Variants in XYLB observed in about 807,000 individuals in gnomAD.
XYLB encodes xylulokinase.
XYLB carries 62 observed loss-of-function variants against 78.7 expected under a neutral mutation model. That is an observed-to-expected ratio of 0.79 (90% confidence interval 0.64 to 0.97). XYLB has a LOEUF of 0.97. XYLB is among the 50% of genes least tolerant of loss of function. XYLB has a pLI of 0.00. For synonymous variants in XYLB, 245 were observed against 247.4 expected, an observed-to-expected ratio of 0.99 and a Z score of 0.09; for missense variants, 687 against 676.8, an observed-to-expected ratio of 1.02 and a Z score of -0.17.
the XYLB span, among the ~76,000 whole-genome samples, chr3:38,447,470 ATTTTTTTTTTTTT>A: frequency 8.0e-6 from 1 of 124,948 alleles, no homozygotes. Flanking sequence ...CATCTGGCTA[ATTTTTTTTTTTTT>A]TTTTTTTTTT....
In XYLB at chr3:38,413,297, T is replaced by G. The variant is rs536951599; in HGVS notation, c.*284T>G. ...AACACTGAGACTGGGATATGTCCAA[T>G]AAAAACTATGACTTTTCCCCTTGCA... is the stretch of plus-strand genomic sequence containing the variant. On this transcript the variant is annotated 3_prime_UTR_variant, in exon 19 of 19. Transcript: ENST00000207870. The G allele has an allele frequency of 1.1e-5, 4 of 350,274 alleles. No individual in the cohort carries two copies. In the East Asian group the frequency reaches 1.9e-4, roughly 16 times the overall value. 21.7% of individuals were successfully genotyped at this position (350,274 alleles called of 1,614,324 possible).
the XYLB span, among the ~76,000 whole-genome samples, chr3:38,442,009 C>G: frequency 6.6e-6 from 1 of 152,164 alleles, no homozygotes; most frequent in Non-Finnish European, 1.5e-5. Context: ...TGAGTATTTG[C>G]CCTCTGGGTC....
intron 15 of XYLB, among the ~76,000 whole-genome samples, chr3:38,390,648 G>A (rs1404946437): frequency 1.3e-5 from 2 of 152,022 alleles, no homozygotes; most frequent in African/African-American, 2.4e-5. Flanking sequence ...TCAACCTCCC[G>A]AGTAGCTGGG....
intron 18 of XYLB, among the ~76,000 whole-genome samples, chr3:38,411,548 T>G (rs1708588004): frequency 6.6e-6 from 1 of 151,934 alleles, no homozygotes; most frequent in South Asian, 2.1e-4. Context: ...ATCTGGCAAA[T>G]TTTTTGCCAG....
At chr3:38,446,081 G>A in the XYLB span, among the ~76,000 whole-genome samples, 1 of 152,198 alleles carries the variant, frequency 6.6e-6, no homozygotes, top group African/African-American at 2.4e-5. Flanking sequence ...AAGAGTGAAA[G>A]AACAAAGCTT....
chr3:38,428,659 G>A, the XYLB span, among the ~76,000 whole-genome samples: 1 of 152,152 alleles, frequency 6.6e-6, no homozygotes, highest in Non-Finnish European at 1.5e-5. Flanking sequence ...GTATTTGCAT[G>A]TTATATGTTT....
At chr3:38,365,348 C>T in intron 5 of XYLB, 63 bp downstream of exon 5, 1 of 1,536,206 alleles carries the variant, frequency 6.5e-7, no homozygotes, top group Non-Finnish European at 9.0e-7. Context: ...CCTGTGGGTC[C>T]TGAAGCCTGC....
downstream of XYLB, among the ~76,000 whole-genome samples, chr3:38,424,149 T>C (rs1166622863): frequency 6.6e-6 from 1 of 152,102 alleles, no homozygotes; most frequent in Non-Finnish European, 1.5e-5. Flanking sequence ...ATAAATAGAA[T>C]AGATCCAGAA....
intron 18 of XYLB, among the ~76,000 whole-genome samples, chr3:38,409,920 G>C (rs967289725): frequency 2.6e-5 from 4 of 152,192 alleles, no homozygotes; most frequent in African/African-American, 9.6e-5. Flanking sequence ...CATGCTCATG[G>C]ATAGGAGGAA....
At chr3:38,446,475 A>C in the XYLB span, among the ~76,000 whole-genome samples, 2 of 152,242 alleles carry the variant, frequency 1.3e-5, no homozygotes, top group African/African-American at 4.8e-5. Context: ...ACCCTGAGTG[A>C]AAAGAACAAA....
At chr3:38,357,599 G>T (rs1381123644) in intron 2 of XYLB, among the ~76,000 whole-genome samples, 2 of 152,136 alleles carry the variant, frequency 1.3e-5, no homozygotes, top group African/African-American at 4.8e-5. Context: ...TGTTAGCCAG[G>T]ATGGTCTCGA....
At chr3:38,449,363 C>T in the XYLB span, among the ~76,000 whole-genome samples, 1 of 152,122 alleles carries the variant, frequency 6.6e-6, no homozygotes, top group Non-Finnish European at 1.5e-5. Context: ...CCTCGTGATC[C>T]ACCTGCCTTG....
the XYLB span, among the ~76,000 whole-genome samples, chr3:38,428,244 ATAGTT>A: frequency 6.6e-6 from 1 of 152,184 alleles, no homozygotes; most frequent in Non-Finnish European, 1.5e-5. Context: ...GGCCCAGCAT[ATAGTT>A]TAATTTTGGG....
Position 38,372,810 on chromosome 3 carries a change from C to T in XYLB, c.847+74C>T. The T allele has an allele frequency of 2.0e-6, 3 of 1,528,434 alleles. No individual in the cohort carries two copies. The South Asian group carries it at 3.4e-5, about 17-fold the overall frequency. 94.7% of individuals were successfully genotyped at this position (1,528,434 alleles called of 1,614,324 possible). On this transcript the variant is annotated intron_variant, in intron 10 of 18. Coordinates refer to ENST00000207870, the MANE Select transcript of XYLB (RefSeq NM_005108.4). ...TGCTGGATGTTTGAGAATTCCAGTC[C>T]AGCCTCTTGGTGAAACCTTCTGTGG...
At chr3:38,437,054 CA>C in the XYLB span, among the ~76,000 whole-genome samples, 1,565 of 121,450 alleles carry the variant, frequency 0.013, 26 homozygotes, top group African/African-American at 0.042. Flanking sequence ...TAACAAAAAC[CA>C]AAAAAAACCC....
At chr3:38,397,348 G>C (rs1342434981) in intron 17 of XYLB, among the ~76,000 whole-genome samples, 189 bp downstream of exon 17, 10 of 152,158 alleles carry the variant, frequency 6.6e-5, no homozygotes, top group African/African-American at 2.2e-4. Context: ...TTTATTCTTT[G>C]CTTAAAGTGG....
chr3:38,432,563 C>T, the XYLB span, among the ~76,000 whole-genome samples: 2 of 147,982 alleles, frequency 1.4e-5, no homozygotes, highest in Non-Finnish European at 3.0e-5. Context: ...TAGACTCCGT[C>T]AAAAAAAAAA....
chr3:38,411,095 G>A (rs1049630484), intron 18 of XYLB, among the ~76,000 whole-genome samples: 8 of 152,138 alleles, frequency 5.3e-5, no homozygotes, highest in South Asian at 2.1e-4. Context: ...TGTTTATTGC[G>A]GCACTATTCA....
intron 1 of XYLB, 26 bp downstream of exon 1, chr3:38,346,951 C>T (rs1443672206): frequency 6.9e-7 from 1 of 1,444,684 alleles, no homozygotes; most frequent in Non-Finnish European, 9.1e-7. Flanking sequence ...CGCAGGGCCA[C>T]GGGGCCGCCT....
Sources: gnomAD v4.1 joint callset for allele counts (sites outside exome capture counted in the v4.1 genomes callset) on GRCh38, gnomAD v4.1.1 for gene constraint, MANE v1.5 for transcripts, NCBI Gene and HGNC (gene_info 2026-07-23, HGNC 2026-07-21) for gene names.